The following AGBL4 variants were observed in gnomAD, a reference collection of about 807,000 sequenced individuals.
The protein encoded by AGBL4 is AGBL carboxypeptidase 4.
AGBL4 carries 58 observed loss-of-function variants against 66.4 expected under a neutral mutation model. The observed-to-expected ratio is 0.87, with a 90% confidence interval of 0.71 to 1.09. AGBL4 has a LOEUF of 1.09. Among genes scored for constraint, AGBL4 ranks in the 50% least tolerant of loss-of-function variants. The pLI is 0.00. For synonymous variants in AGBL4, 234 were observed against 222.9 expected, an observed-to-expected ratio of 1.05 and a Z score of -0.44; for missense variants, 579 against 631.0, an observed-to-expected ratio of 0.92 and a Z score of 0.88.
chr1:48,559,452 A>G (rs1644365615), intron 11 of AGBL4, among the ~76,000 whole-genome samples: 1 of 151,890 alleles, frequency 6.6e-6, no homozygotes, highest in Non-Finnish European at 1.5e-5. Context: ...GGTGTAGTAG[A>G]AAAAAAAATC....
At chr1:49,590,962 T>C (rs1008792055) in intron 3 of AGBL4, among the ~76,000 whole-genome samples, 2 of 151,856 alleles carry the variant, frequency 1.3e-5, no homozygotes, top group African/African-American at 2.4e-5. Context: ...GTTAGCAGAA[T>C]AAAAATAAAA....
At chr1:49,442,470 T>C (rs906236511) in intron 3 of AGBL4, among the ~76,000 whole-genome samples, 2 of 152,198 alleles carry the variant, frequency 1.3e-5, no homozygotes, top group Non-Finnish European at 2.9e-5. Flanking sequence ...CTGTGATCAA[T>C]TTTCTTTTAG....
intron 11 of AGBL4, among the ~76,000 whole-genome samples, chr1:48,568,303 C>T (rs1041040736): frequency 6.6e-6 from 1 of 152,212 alleles, no homozygotes; most frequent in African/African-American, 2.4e-5. Context: ...CTCTCTCTCT[C>T]TCTCTCTCTC....
intron 3 of AGBL4, among the ~76,000 whole-genome samples, chr1:49,250,128 G>A (rs1180499899): frequency 4.6e-5 from 7 of 152,314 alleles, no homozygotes; most frequent in African/African-American, 1.7e-4. Context: ...CAGATGGATA[G>A]AAGGAATAAA....
chr1:49,372,196 A>AGTT (rs1330156683), intron 3 of AGBL4, among the ~76,000 whole-genome samples: 2 of 152,160 alleles, frequency 1.3e-5, no homozygotes, highest in Non-Finnish European at 2.9e-5. Context: ...GCATCCCAGA[A>AGTT]CGCTCAAGGC....
At position 48,923,850 on chromosome 1, in the gene AGBL4, AAC is replaced by A. The variant is rs1233972136; in HGVS notation, c.595-56622_595-56621del. 3.9e-5 allele frequency among the ~76,000 whole-genome samples: 6 copies of A among 152,304 alleles called. No homozygotes were observed. In the East Asian group the frequency reaches 1.2e-3, roughly 29 times the overall value. ...AGTCTCCTAAGAGAAGTCCTCTTAA[AAC>A]ACAAGTATTTCCTGTTTTATGAAGG... On this transcript the variant is annotated intron_variant, in intron 5 of 13. Coordinates refer to ENST00000371839, the MANE Select transcript of AGBL4 (RefSeq NM_032785.4).
At chr1:49,972,560 T>C (rs901538458) in intron 1 of AGBL4, among the ~76,000 whole-genome samples, 5 of 152,170 alleles carry the variant, frequency 3.3e-5, no homozygotes, top group African/African-American at 1.2e-4. Flanking sequence ...GATGGGAGGA[T>C]TGCTTAGGCC....
chr1:48,975,898 C>T (rs1325292737), intron 5 of AGBL4, among the ~76,000 whole-genome samples: 4 of 151,962 alleles, frequency 2.6e-5, no homozygotes, highest in Non-Finnish European at 5.9e-5. Context: ...TTTTATAGTC[C>T]CCAAATCAGA....
intron 1 of AGBL4, among the ~76,000 whole-genome samples, chr1:49,873,613 C>T (rs1646892951): frequency 6.6e-6 from 1 of 152,018 alleles, no homozygotes; most frequent in African/African-American, 2.4e-5. Context: ...GAGACAAAAA[C>T]ATAATTGACT....
chr1:49,863,658 A>G (rs1646630149), intron 1 of AGBL4, among the ~76,000 whole-genome samples: 1 of 152,220 alleles, frequency 6.6e-6, no homozygotes. Flanking sequence ...AGACATAAAA[A>G]TGGCAAACAG....
At chr1:49,033,205 G>T (rs1307662724) in intron 5 of AGBL4, among the ~76,000 whole-genome samples, 1 of 152,090 alleles carries the variant, frequency 6.6e-6, no homozygotes, top group African/African-American at 2.4e-5. Flanking sequence ...ATGGTGACTT[G>T]TGAAGTGGCC....
chr1:49,189,911 T>A (rs868465439), intron 4 of AGBL4, among the ~76,000 whole-genome samples: 1 of 152,204 alleles, frequency 6.6e-6, no homozygotes, highest in African/African-American at 2.4e-5. Context: ...AAAACCCATA[T>A]TCTTTTCTCT....
rs186226682 is a variant in AGBL4 at position 48,663,975 on chromosome 1, A to C, written c.635-734T>G. Reference sequence around the variant, plus strand: ...TTCCCTTTTATCTTAAACAACTAAAAAACTGGACAAAATATTCAAAACAAG... The same window carrying C: ...TTCCCTTTTATCTTAAACAACTAAACAACTGGACAAAATATTCAAAACAAG... On this transcript the variant is annotated intron_variant, in intron 6 of 13. Transcript: ENST00000371839. Among the ~76,000 whole-genome samples, 323 of 152,308 alleles carry C rather than the reference A, an allele frequency of 2.1e-3. 2 individuals are homozygous for C. The highest frequency in any genetic ancestry group is 7.5e-3 in the African/African-American group (313 of 41,570).
chr1:48,992,377 C>G (rs748395055), intron 5 of AGBL4, among the ~76,000 whole-genome samples: 5 of 152,018 alleles, frequency 3.3e-5, no homozygotes, highest in Admixed American at 6.5e-5. Flanking sequence ...GCAGAGCTCC[C>G]TGGAGCAAAT....
intron 2 of AGBL4, among the ~76,000 whole-genome samples, chr1:49,768,453 A>T (rs531533963): frequency 6.6e-6 from 1 of 152,370 alleles, no homozygotes; most frequent in South Asian, 2.1e-4. Context: ...GACACAGAAA[A>T]TGCTTTTGAT....
At chr1:49,949,892 T>C (rs759958669) in intron 1 of AGBL4, among the ~76,000 whole-genome samples, 4 of 150,560 alleles carry the variant, frequency 2.7e-5, no homozygotes, top group Non-Finnish European at 5.9e-5. Flanking sequence ...ACAAAAAAGA[T>C]ACTTGCATAT....
At chr1:49,672,386 T>G (rs1051669827) in intron 3 of AGBL4, among the ~76,000 whole-genome samples, 1 of 151,930 alleles carries the variant, frequency 6.6e-6, no homozygotes, top group Non-Finnish European at 1.5e-5. Context: ...TAATAACTCT[T>G]GTGTAATAAG....
intron 5 of AGBL4, among the ~76,000 whole-genome samples, chr1:49,031,848 T>C (rs1664254302): frequency 6.6e-6 from 1 of 152,124 alleles, no homozygotes. Flanking sequence ...TTAAAAATCT[T>C]CTAAAGAAAA....
At chr1:49,996,347 G>A (rs1030310348) in intron 1 of AGBL4, 1 of 152,000 alleles carries the variant, frequency 6.6e-6, no homozygotes, top group Non-Finnish European at 1.5e-5. Flanking sequence ...AATCCCCAGA[G>A]AAATAGATAG....
Sources: allele counts gnomAD v4.1 joint callset (sites outside exome capture counted in the v4.1 genomes callset), GRCh38; gene constraint gnomAD v4.1.1; transcripts MANE v1.5; gene names NCBI Gene and HGNC (gene_info 2026-07-23, HGNC 2026-07-21).